TP63: variants seen among roughly 807,000 people sequenced by gnomAD.
TP63 encodes tumor protein p63.
A neutral mutation model predicts 82.8 loss-of-function variants in TP63; 17 were observed. That is an observed-to-expected ratio of 0.21 (90% confidence interval 0.14 to 0.31). The LOEUF (loss-of-function observed/expected upper bound fraction) is 0.31, where lower values mean the gene tolerates loss of function less well. Ranked by LOEUF, TP63 falls within the 10% of genes least tolerant of loss-of-function variation. The probability of loss-of-function intolerance (pLI) is 1.00; values close to 1 mark genes in which losing one functional copy is unlikely to be tolerated. For missense variants in TP63, 648 were observed against 895.3 expected (o/e 0.72, Z 3.52); for synonymous variants, 330 against 321.7 (o/e 1.03, Z -0.28).
chr3:189,653,053 T>C (rs1451746432), intron 1 of TP63, among the ~76,000 whole-genome samples: 1 of 151,054 alleles, frequency 6.6e-6, no homozygotes, highest in Non-Finnish European at 1.5e-5. Flanking sequence ...TTTCTATAGA[T>C]ATAGAGGACA....
At chr3:189,812,435 A>T (rs1173492392) in intron 4 of TP63, among the ~76,000 whole-genome samples, 2 of 152,214 alleles carry the variant, frequency 1.3e-5, no homozygotes, top group African/African-American at 4.8e-5. Context: ...AATTTAATTG[A>T]TACTAGTTAC....
intron 4 of TP63, among the ~76,000 whole-genome samples, chr3:189,861,913 G>A (rs531611381): frequency 1.2e-4 from 18 of 152,240 alleles, no homozygotes; most frequent in South Asian, 2.1e-4. Flanking sequence ...TTATAAAATA[G>A]GGATGATAAT....
chr3:189,775,576 T>C (rs1279261045), intron 3 of TP63, among the ~76,000 whole-genome samples: 1 of 152,244 alleles, frequency 6.6e-6, no homozygotes, highest in African/African-American at 2.4e-5. Context: ...CCTTCTAATA[T>C]ACTTGGGCAA....
chr3:189,724,960 AG>A (rs1459737525), intron 1 of TP63, among the ~76,000 whole-genome samples: 5 of 152,224 alleles, frequency 3.3e-5, no homozygotes, highest in African/African-American at 1.2e-4. Context: ...ATATGGGGCA[AG>A]GATAAACCAG....
At chr3:189,857,161 A>C (rs1195370434) in intron 4 of TP63, among the ~76,000 whole-genome samples, 1 of 152,158 alleles carries the variant, frequency 6.6e-6, no homozygotes, top group Non-Finnish European at 1.5e-5. Context: ...TTTGAAATTG[A>C]TATATGGATA....
chr3:189,726,200 T>G (rs192621547), intron 1 of TP63, among the ~76,000 whole-genome samples: 140 of 152,318 alleles, frequency 9.2e-4, no homozygotes, highest in South Asian at 8.3e-4. Flanking sequence ...TCTTACTCTC[T>G]GGGTGGGCCG....
At chr3:189,822,443 T>G (rs775349826) in intron 4 of TP63, among the ~76,000 whole-genome samples, 1 of 152,192 alleles carries the variant, frequency 6.6e-6, no homozygotes, top group Non-Finnish European at 1.5e-5. Context: ...AGAAGACATA[T>G]CATTTTCTTT....
At chr3:189,871,258 G>A (rs58609680) in intron 9 of TP63, among the ~76,000 whole-genome samples, 19,642 of 152,056 alleles carry the variant, frequency 0.13, 1,444 homozygotes, top group African/African-American at 0.21. Flanking sequence ...TTGGTGTTTG[G>A]TGAGTGGCAA....
intron 1 of TP63, among the ~76,000 whole-genome samples, chr3:189,736,905 A>C (rs1269333348): frequency 6.6e-6 from 1 of 152,072 alleles, no homozygotes; most frequent in Non-Finnish European, 1.5e-5. Flanking sequence ...TTATCACAAC[A>C]AATCACATAT....
At chr3:189,684,758 G>A (rs2108703538) in intron 1 of TP63, among the ~76,000 whole-genome samples, 1 of 151,666 alleles carries the variant, frequency 6.6e-6, no homozygotes, top group East Asian at 1.9e-4. Flanking sequence ...AGCCTCCCGA[G>A]TAGCTGAGAT....
rs527744628 is a variant in TP63 at position 189,681,962 on chromosome 3, G to A, written c.62+50385G>A. On this transcript the variant is annotated intron_variant, in intron 1 of 13. Coordinates refer to ENST00000264731, the MANE Select transcript of TP63 (RefSeq NM_003722.5). ...AAAACTATATTGTCAGCTGAGCACG[G>A]TGGCTCATGCCTGTAATCTTAGCAC... Among the ~76,000 whole-genome samples the A allele has an allele frequency of 4.4e-3, 664 of 152,246 alleles. 4 individuals are homozygous for A. Among genetic ancestry groups the A allele is most frequent in the African/African-American group, 0.015 (622 of 41,554 alleles).
chr3:189,784,865 G>A (rs542505616), intron 3 of TP63, among the ~76,000 whole-genome samples: 1 of 152,102 alleles, frequency 6.6e-6, no homozygotes, highest in South Asian at 2.1e-4. Context: ...CCTATCTGAG[G>A]CAGGAGAGGA....
At chr3:189,763,643 G>A (rs1264069744) in intron 3 of TP63, among the ~76,000 whole-genome samples, 1 of 152,158 alleles carries the variant, frequency 6.6e-6, no homozygotes, top group South Asian at 2.1e-4. Flanking sequence ...TGAAAGAGGT[G>A]GGGAGAGGTT....
intron 3 of TP63, among the ~76,000 whole-genome samples, chr3:189,793,972 T>C (rs1319210055): frequency 2.0e-5 from 3 of 152,046 alleles, no homozygotes; most frequent in African/African-American, 7.2e-5. Flanking sequence ...TGGATTCAAG[T>C]GTCAAGGTGA....
intron 1 of TP63, among the ~76,000 whole-genome samples, chr3:189,656,944 G>GAATA (rs59817784): frequency 0.9 from 135,337 of 150,980 alleles, 61,976 homozygotes; most frequent in Non-Finnish European, 0.98. Flanking sequence ...ACAAGTGAGT[G>GAATA]AATAAACTGC....
At chr3:189,864,519 C>A in intron 5 of TP63, 101 bp downstream of exon 5, 27 of 854,128 alleles carry the variant, frequency 3.2e-5, no homozygotes, top group Non-Finnish European at 3.9e-5. Flanking sequence ...GACTTCTGCA[C>A]TCCGATGGCA....
chr3:189,672,216 G>T (rs1335592276), intron 1 of TP63, among the ~76,000 whole-genome samples: 2 of 151,978 alleles, frequency 1.3e-5, no homozygotes, highest in Non-Finnish European at 2.9e-5. Flanking sequence ...ATAGGTTGCA[G>T]CCAAAGCTGT....
rs1721374277 is a variant in TP63, at chr3:189,895,121, G to A, written c.*619G>A. 4.5e-6 allele frequency: 1 copy of A among 220,946 alleles called. No individual in the cohort carries two copies. Among genetic ancestry groups the A allele is most frequent in the Non-Finnish European group, 9.1e-6 (1 of 110,318 alleles). 13.7% of individuals were successfully genotyped at this position (220,946 alleles called of 1,614,324 possible). A position where few individuals can be genotyped will look rare whatever the true frequency, so the allele number is the denominator to read the frequency against. ...ACCTTTGAGTAGATCCATTTCCATT[G>A]CTTATTATGTAGGTAAGACTGTAGA... is the stretch of plus-strand genomic sequence containing the variant. On this transcript the variant is annotated 3_prime_UTR_variant, in exon 14 of 14. Transcript: ENST00000264731.
In TP63 at chr3:189,872,916, A is replaced by C; in HGVS notation, c.1270A>C (p.Met424Leu). 1 of 1,614,182 alleles carries C rather than the reference A, an allele frequency of 6.2e-7. No individual in the cohort carries two copies. Among genetic ancestry groups the C allele is most frequent in the Non-Finnish European group, 8.5e-7 (1 of 1,180,018 alleles). The change falls in exon 10 of 14, where the codon ATG becomes CTG. Residue 424 changes from methionine to leucine, a missense_variant. Met to Leu is a conservative substitution (Grantham distance 15). Around this residue, in one of 5 missense-constraint regions of TP63, gnomAD observed 342 missense variants for 425.7 expected, o/e 0.80. Coordinates refer to ENST00000264731, the MANE Select transcript of TP63 (RefSeq NM_003722.5). The part of the protein sequence containing the change: ...LLKIKESLEL[M>L]QYLPQHTIET... Reference sequence around the variant, plus strand: ...GAAGATCAAAGAGTCCCTGGAACTCATGCAGTACCTTCCTCAGCACACAAT... The same window carrying C: ...GAAGATCAAAGAGTCCCTGGAACTCCTGCAGTACCTTCCTCAGCACACAAT...
Sources: allele counts gnomAD v4.1 joint callset (sites outside exome capture counted in the v4.1 genomes callset), GRCh38; gene constraint gnomAD v4.1.1; regional missense constraint gnomAD v4.1.1; transcripts MANE v1.5; gene names NCBI Gene and HGNC (gene_info 2026-07-23, HGNC 2026-07-21).